CLEC12A: variants seen among roughly 807,000 people sequenced by gnomAD.
CLEC12A encodes the protein C-type lectin protein CLL-1.
Under a neutral mutation model 26.5 loss-of-function variants are expected in CLEC12A, and 22 were observed. The observed-to-expected ratio is 0.83, with a 90% CI of 0.59 to 1.19. The LOEUF is 1.19. CLEC12A is among the 50% of genes most tolerant of loss of function. The pLI is 0.00. For missense variants in CLEC12A, 353 were observed against 315.6 expected (o/e 1.12, Z -0.90); for synonymous variants, 119 against 101.9 (o/e 1.17, Z -1.01).
At chr12:9,953,724 T>G (rs1320350709) in intron 1 of CLEC12A, among the ~76,000 whole-genome samples, 1 of 151,692 alleles carries the variant, frequency 6.6e-6, no homozygotes, top group Non-Finnish European at 1.5e-5. Context: ...AGCAGCTCAT[T>G]GAGAACGGGC....
At chr12:9,951,546 G>T (rs770718201) in intron 1 of CLEC12A, 3 of 591,976 alleles carry the variant, frequency 5.1e-6, no homozygotes, top group African/African-American at 1.9e-5. Flanking sequence ...AGTGTCATTT[G>T]TGGGTCCAGA....
intron 4 of CLEC12A, chr12:9,992,992 C>T: frequency 1.5e-6 from 1 of 669,124 alleles, no homozygotes; most frequent in Non-Finnish European, 2.5e-6. Flanking sequence ...AAAGAAGGGA[C>T]TAGGTAATTC....
chr12:9,986,743 A>G (rs632963), downstream of CLEC12A, among the ~76,000 whole-genome samples: 90,580 of 151,966 alleles, frequency 0.6, 27,591 homozygotes, highest in East Asian at 0.89. Context: ...CCCGGGAGGC[A>G]AAGGTGCCAG....
upstream of CLEC12A, among the ~76,000 whole-genome samples, chr12:9,969,884 G>A (rs1394220972): frequency 1.3e-5 from 2 of 152,222 alleles, no homozygotes; most frequent in Non-Finnish European, 2.9e-5. Context: ...CCAACTGTGT[G>A]ATGTTGGATA....
At chr12:9,960,020 A>G (rs1395741200) in intron 1 of CLEC12A, among the ~76,000 whole-genome samples, 2 of 152,232 alleles carry the variant, frequency 1.3e-5, no homozygotes, top group Non-Finnish European at 2.9e-5. Context: ...GAATCGAATC[A>G]TACTGAAGAC....
chr12:9,979,572 C>A, intron 3 of CLEC12A, 48 bp downstream of exon 3: 2 of 1,367,900 alleles, frequency 1.5e-6, no homozygotes, highest in Non-Finnish European at 2.0e-6. Context: ...TAAACTAAAC[C>A]ACTGAGTCTC....
At chr12:9,998,197 G>A (rs577006784), downstream of CLEC12A, 25 of 991,470 alleles carry the variant, frequency 2.5e-5, no homozygotes, top group Non-Finnish European at 3.7e-5. Context: ...GACAAATAGC[G>A]ACCATTGAGA....
At chr12:9,985,718 T>G, downstream of CLEC12A, 1 of 353,780 alleles carries the variant, frequency 2.8e-6, no homozygotes, top group Non-Finnish European at 5.0e-6. Flanking sequence ...AATATATAGA[T>G]AGATATGTTT....
chr12:9,952,561 A>G (rs1357680369), intron 1 of CLEC12A: 2 of 163,724 alleles, frequency 1.2e-5, no homozygotes, highest in Non-Finnish European at 2.5e-5. Flanking sequence ...TTGGCCTCCC[A>G]AAGTGCCGAG....
downstream of CLEC12A, among the ~76,000 whole-genome samples, chr12:10,000,300 C>T (rs1865143462): frequency 6.6e-6 from 1 of 152,026 alleles, no homozygotes; most frequent in Non-Finnish European, 1.5e-5. Context: ...ATTTTTTCTC[C>T]CCTGCTATCT....
chr12:9,956,646 A>G (rs897367574), intron 1 of CLEC12A, among the ~76,000 whole-genome samples: 1 of 152,258 alleles, frequency 6.6e-6, no homozygotes, highest in Non-Finnish European at 1.5e-5. Context: ...AAAAAAGCCT[A>G]TATGAACAAT....
At chr12:9,987,954 GC>G (rs1339327029), downstream of CLEC12A, among the ~76,000 whole-genome samples, 12 of 152,026 alleles carry the variant, frequency 7.9e-5, no homozygotes, top group Non-Finnish European at 1.3e-4. Context: ...GATTACAGGT[GC>G]CCACCATCAC....
intron 1 of CLEC12A, among the ~76,000 whole-genome samples, chr12:9,975,904 A>G (rs149020269): frequency 2.0e-5 from 3 of 152,190 alleles, no homozygotes; most frequent in Non-Finnish European, 4.4e-5. Context: ...TGACTAAAAG[A>G]GGCTAAGGTA....
chr12:10,002,528 C>T, the CLEC12A span, among the ~76,000 whole-genome samples: 67 of 63,826 alleles, frequency 1.0e-3, no homozygotes, highest in East Asian at 3.1e-3. Context: ...CTGCAAGCTC[C>T]GCCTCCCGGG....
chr12:9,993,090 CT>C, intron 4 of CLEC12A: 2 of 1,528,022 alleles, frequency 1.3e-6, no homozygotes, highest in Non-Finnish European at 1.8e-6. Flanking sequence ...TCATACATAT[CT>C]TTTATTGTAC....
chr12:9,966,830 C>A (rs71441773), upstream of CLEC12A, among the ~76,000 whole-genome samples: 1 of 86,060 alleles, frequency 1.2e-5, no homozygotes, highest in African/African-American at 4.5e-5. Flanking sequence ...GCCTTTTGAC[C>A]TTTTAGGATC....
chr12:9,981,011 A>G (rs1864537106), intron 4 of CLEC12A, among the ~76,000 whole-genome samples: 1 of 152,212 alleles, frequency 6.6e-6, no homozygotes, highest in Non-Finnish European at 1.5e-5. Context: ...TCTAGAACCA[A>G]ATCTCAGAAC....
chr12:9,972,053 TGTGTG>T (rs1864148527), intron 1 of CLEC12A, among the ~76,000 whole-genome samples: 1 of 145,090 alleles, frequency 6.9e-6, no homozygotes, highest in African/African-American at 2.8e-5. Flanking sequence ...TGTGTGTGTG[TGTGTG>T]TGTTTTTTTT....
At chr12:9,993,301 G>T in intron 4 of CLEC12A, 2 of 1,542,742 alleles carry the variant, frequency 1.3e-6, no homozygotes, top group Non-Finnish European at 1.8e-6. Flanking sequence ...TGAAGGGAAA[G>T]TTAGAATAAA....
Sources: gnomAD v4.1 joint callset for allele counts (sites outside exome capture counted in the v4.1 genomes callset) on GRCh38, gnomAD v4.1.1 for gene constraint, MANE v1.5 for transcripts, NCBI Gene and HGNC (gene_info 2026-07-23, HGNC 2026-07-21) for gene names.